Variants in RIPK4 observed in about 807,000 individuals in gnomAD.
The protein encoded by RIPK4 is receptor interacting serine/threonine kinase 4.
In RIPK4, 17 loss-of-function variants were observed where a neutral mutation model predicts 42.9. The ratio of observed to expected loss-of-function variants is 0.40; its 90% CI spans 0.27 to 0.59. The LOEUF (loss-of-function observed/expected upper bound fraction) is 0.59, where lower values mean the gene tolerates loss of function less well. RIPK4 is among the 20% of genes least tolerant of loss of function. RIPK4 has a pLI of 0.47. For missense variants in RIPK4, 897 were observed against 1,104.4 expected (o/e 0.81, Z 2.66); for synonymous variants, 498 against 499.1 (o/e 1.00, Z 0.03).
chr21:41,748,065 G>A (rs936501251), intron 4 of RIPK4, among the ~76,000 whole-genome samples: 8 of 152,198 alleles, frequency 5.3e-5, no homozygotes, highest in South Asian at 2.1e-4. Flanking sequence ...ACAAGCCTTC[G>A]GGCTGTAGGC....
In RIPK4 at chr21:41,751,958, C is replaced by T. The variant is rs543963296; in HGVS notation, c.475-713G>A. On this transcript the variant is annotated intron_variant, in intron 2 of 7. Transcript: ENST00000332512. This position sits in a 1 kb window ranked among gnomAD's most constrained non-coding sequence, Gnocchi z 4.5. ...CCAGCTCCTCCAGGAATGCCCTCAA[C>T]GTCCGCATTCAGGGGAGGCAGGTCT... is the stretch of plus-strand genomic sequence containing the variant. 2.1e-4 allele frequency among the ~76,000 whole-genome samples: 32 copies of T among 152,280 alleles called. 1 individual carries two copies. In the South Asian group the frequency reaches 6.2e-3, roughly 30 times the overall value.
chr21:41,756,028 A>G (rs1313155088), intron 2 of RIPK4, among the ~76,000 whole-genome samples: 2 of 152,198 alleles, frequency 1.3e-5, no homozygotes, highest in African/African-American at 4.8e-5. Context: ...GGGCAGACAG[A>G]GGCAACGAGC....
At chr21:41,763,643 C>T (rs138141768) in intron 1 of RIPK4, among the ~76,000 whole-genome samples, 71 of 152,332 alleles carry the variant, frequency 4.7e-4, no homozygotes, top group African/African-American at 1.5e-3. Context: ...TGCCTCTCAG[C>T]GAGGCCTTCT....
chr21:41,760,403 C>G (rs899493232), intron 1 of RIPK4, among the ~76,000 whole-genome samples: 2 of 152,200 alleles, frequency 1.3e-5, no homozygotes, highest in African/African-American at 2.4e-5. Context: ...GTTGAAAAAT[C>G]TAAGCCTCTT....
chr21:41,744,161 G>C (rs763083946), intron 6 of RIPK4, 21 bp from the exon 7 acceptor site: 2 of 1,559,508 alleles, frequency 1.3e-6, no homozygotes, highest in Admixed American at 1.8e-5. Flanking sequence ...GCAGAAGAGG[G>C]GGTGGGTGAA....
chr21:41,745,979 C>G, intron 5 of RIPK4, 117 bp from the exon 6 acceptor site: 4 of 891,676 alleles, frequency 4.5e-6, no homozygotes, highest in Non-Finnish European at 7.6e-6. Flanking sequence ...TCGGCCCAGC[C>G]TGAGCTCACC....
At chr21:41,746,524 C>T in intron 5 of RIPK4, 89 bp downstream of exon 5, 7 of 1,493,364 alleles carry the variant, frequency 4.7e-6, no homozygotes, top group Non-Finnish European at 5.4e-6. Context: ...TGTTTCTCAC[C>T]CAGGCCTGGT....
chr21:41,746,869 G>A lies in RIPK4; in HGVS notation c.674-98C>T, dbSNP rs539297855. ...ACACACTCGCCGGGGGCCACAATGG[G>A]GCCATCCCCACACCACCCCAGGGAG... is the stretch of plus-strand genomic sequence containing the variant. On this transcript the variant is annotated intron_variant, in intron 4 of 7. Transcript: ENST00000332512. 5 of 1,383,754 alleles carry A rather than the reference G, an allele frequency of 3.6e-6. No homozygotes were observed. In the African/African-American group the frequency reaches 4.3e-5, roughly 12 times the overall value. The allele number at this position is 1,383,754 out of a possible 1,614,324, so 85.7% of individuals were successfully genotyped here.
At chr21:41,746,443 A>T (rs931832878) in intron 5 of RIPK4, among the ~76,000 whole-genome samples, 170 bp downstream of exon 5, 8 of 152,212 alleles carry the variant, frequency 5.3e-5, no homozygotes, top group African/African-American at 1.9e-4. Flanking sequence ...CGTGAGTACC[A>T]GAGGCCGCAG....
chr21:41,746,799 G>T (rs775637459), intron 4 of RIPK4, 28 bp from the exon 5 acceptor site: 37 of 1,547,986 alleles, frequency 2.4e-5, no homozygotes, highest in Non-Finnish European at 3.2e-5. Flanking sequence ...CGAGTCAGGG[G>T]CTCTGCAGGG....
intron 2 of RIPK4, among the ~76,000 whole-genome samples, chr21:41,752,364 C>T (rs888944580): frequency 6.6e-6 from 1 of 152,176 alleles, no homozygotes; most frequent in Non-Finnish European, 1.5e-5. Flanking sequence ...GTCATCAGCA[C>T]CAAACAGCTG....
Position 41,741,839 on chromosome 21 carries a change from C to T in RIPK4, c.1354G>A (p.Glu452Lys). The T allele has an allele frequency of 6.2e-7, 1 of 1,612,410 alleles. No homozygotes were observed. Among genetic ancestry groups the T allele is most frequent in the Non-Finnish European group, 8.5e-7 (1 of 1,180,022 alleles). ...LHLAVEAGQEECAKWLLLNNA... is the reference protein window; with the variant it reads ...LHLAVEAGQEKCAKWLLLNNA... ...TTGAGCAGCAGCCACTTGGCGCACT[C>T]CTCTTGCCCGGCCTCCACCGCCAGG... The change falls in exon 8 of 8, where the codon GAG (glutamate) becomes AAG (lysine). Residue 452 changes from glutamate (E) to lysine (K), a missense_variant. Glu to Lys is a moderately conservative substitution (Grantham distance 56). Coordinates refer to ENST00000332512, the MANE Select transcript of RIPK4 (RefSeq NM_020639.3).
Position 41,745,810 on chromosome 21 carries a change from T to C in RIPK4, c.885A>G (p.Lys295=). Residue 295 remains lysine, a synonymous_variant, in exon 6 of 8, where the codon AAA becomes AAG. Transcript: ENST00000332512. ...TCACGTCCAGATCATGAGCAGTTTC[T>C]TTCACTTCGTCATCAGGCTTTTCAC... ...DLCEKPDDEV[K]ETAHDLDVKS... 1 of 1,614,244 alleles carries C rather than the reference T, an allele frequency of 6.2e-7. No homozygotes were observed. Among genetic ancestry groups the C allele is most frequent in the Non-Finnish European group, 8.5e-7 (1 of 1,180,042 alleles).
intron 1 of RIPK4, among the ~76,000 whole-genome samples, chr21:41,766,340 G>A (rs2061236493): frequency 6.6e-6 from 1 of 152,344 alleles, no homozygotes; most frequent in Non-Finnish European, 1.5e-5. Context: ...GTGTTCCAAC[G>A]TAAATTACTA....
At chr21:41,754,892 T>C (rs2061198679) in intron 2 of RIPK4, among the ~76,000 whole-genome samples, 2 of 152,232 alleles carry the variant, frequency 1.3e-5, no homozygotes, top group African/African-American at 2.4e-5. Context: ...AGCTGGACGA[T>C]CCTGGCTGCT....
Position 41,745,800 on chromosome 21 carries a change from G to A in RIPK4, c.895C>T (p.His299Tyr), listed in dbSNP as rs2061168876. The A allele has an allele frequency of 1.2e-6, 2 of 1,614,030 alleles. No individual in the cohort carries two copies. The highest frequency in any genetic ancestry group is 1.1e-5 in the South Asian group (1 of 91,052). ...GGGGGGCTTTTCACGTCCAGATCAT[G>A]AGCAGTTTCTTTCACTTCGTCATCA... ...KPDDEVKETA[H>Y]DLDVKSPPEP... Residue 299 changes from histidine to tyrosine, a missense_variant, in exon 6 of 8, where the codon CAT becomes TAT. Transcript: ENST00000332512.
rs760921492 is a variant in RIPK4, at chr21:41,740,967, G to A, written c.2226C>T (p.Ala742=). Residue 742 remains alanine, a synonymous_variant, in exon 8 of 8, where the codon GCC becomes GCT. Transcript: ENST00000332512. ...DEQGLSALHL[A]AQGRHAQTVE... is the part of the protein sequence containing the mutation. ...CCGTCTGTGCGTGCCGGCCCTGGGC[G>A]GCCAGGTGCAGCGCGCTGAGCCCCT... 30 of 1,612,010 alleles carry A rather than the reference G, an allele frequency of 1.9e-5. No individual in the cohort carries two copies. The highest frequency in any genetic ancestry group is 6.7e-5 in the East Asian group (3 of 44,868).
chr21:41,751,064 C>T lies in RIPK4; in HGVS notation c.623+33G>A. ...GCATTGAGGTTGAGAGCCCCTGGCA[C>T]CCACAGGGGATGGGGGGCGGCATGT... is the stretch of plus-strand genomic sequence containing the variant. On this transcript the variant is annotated intron_variant, in intron 3 of 7. Transcript: ENST00000332512. The surrounding 1 kb of genome is among the most constrained non-coding windows in gnomAD (Gnocchi z 4.5). 1.2e-6 allele frequency: 2 copies of T among 1,600,912 alleles called. No individual in the cohort carries two copies. The highest frequency in any genetic ancestry group is 1.7e-6 in the Non-Finnish European group (2 of 1,172,204).
chr21:41,742,131 G>GT lies in RIPK4; in HGVS notation c.1196-135dup. On this transcript the variant is annotated intron_variant, in intron 7 of 7. Transcript: ENST00000332512. This position sits in a 1 kb window ranked among gnomAD's most constrained non-coding sequence, Gnocchi z 5.1. ...GGCTGCTCGCTGGTCACCCGACTGTGTTTGAGCGTTGTCTGTGCCTCGTGA... is the reference window on the plus strand; with the variant it reads ...GGCTGCTCGCTGGTCACCCGACTGTGTTTTGAGCGTTGTCTGTGCCTCGTGA... The GT allele has an allele frequency of 1.3e-6, 1 of 792,574 alleles. No homozygotes were observed. Among genetic ancestry groups the GT allele is most frequent in the Middle Eastern group, 3.6e-4 (1 of 2,806 alleles). 49.1% of individuals were successfully genotyped at this position (792,574 alleles called of 1,614,324 possible).
Sources: gnomAD v4.1 joint callset for allele counts (sites outside exome capture counted in the v4.1 genomes callset) on GRCh38, gnomAD v4.1.1 for gene constraint, Gnocchi (gnomAD v3.1) non-coding constraint, MANE v1.5 for transcripts, NCBI Gene and HGNC (gene_info 2026-07-23, HGNC 2026-07-21) for gene names.